The following PARVB variants were observed in gnomAD, a reference collection of about 807,000 sequenced individuals.
The protein encoded by PARVB is parvin beta.
PARVB carries 46 observed loss-of-function variants against 47.0 expected under a neutral mutation model. The observed-to-expected ratio is 0.98, with a 90% CI of 0.77 to 1.25. The LOEUF is 1.25. PARVB is among the 50% of genes most tolerant of loss of function. PARVB has a pLI of 0.00. For missense variants in PARVB, 473 were observed against 471.6 expected (o/e 1.00, Z -0.03); for synonymous variants, 196 against 196.3 (o/e 1.00, Z 0.01).
chr22:44,024,450 G>C lies in PARVB; in HGVS notation c.111G>C (p.Glu37Asp). The C allele has an allele frequency of 8.5e-7, 1 of 1,175,292 alleles. No homozygotes were observed. 72.8% of individuals were successfully genotyped at this position (1,175,292 alleles called of 1,614,324 possible). Residue 37 changes from glutamate (E) to aspartate (D), a missense_variant and splice_region_variant, in exon 1 of 13, where the codon GAG (glutamate) becomes GAC (aspartate). Physicochemically the swap from Glu to Asp is conservative, Grantham distance 45. Transcript: ENST00000338758. ...TGGCCAGGAAGCGGAGGGCGCGCGA[G>C]GGTGAGTGCGCGCCCGCGCCCGCCG... ...GTLARKRRAR[E>D]VSDLQEEGKN...
chr22:44,128,075 A>C (rs894821743), intron 4 of PARVB, among the ~76,000 whole-genome samples: 1 of 152,120 alleles, frequency 6.6e-6, no homozygotes, highest in South Asian at 2.1e-4. Context: ...GAGCCACTAC[A>C]CCCAGCCGAA....
Position 44,027,892 on chromosome 22 carries a change from C to T in PARVB, c.112+3441C>T, listed in dbSNP as rs1213543465. Among the ~76,000 whole-genome samples the T allele has an allele frequency of 3.1e-5, 4 of 129,510 alleles. No individual in the cohort carries two copies. In the East Asian group the frequency reaches 6.9e-4, roughly 22 times the overall value. The allele number at this position is 129,510 out of a possible 152,430, so 85.0% of individuals were successfully genotyped here. On this transcript the variant is annotated intron_variant, in intron 1 of 12. Coordinates refer to ENST00000338758, the MANE Select transcript of PARVB (RefSeq NM_013327.5). ...CAGGCTGGTCAACAGAGTGAGACTC[C>T]ATATCAAATAGAAAAAAAAACCATA...
intron 11 of PARVB, among the ~76,000 whole-genome samples, chr22:44,160,779 A>T (rs888349567): frequency 2.6e-5 from 4 of 152,190 alleles, no homozygotes; most frequent in African/African-American, 9.6e-5. Flanking sequence ...CTGCAGAGCA[A>T]TGAGGCTTGG....
intron 1 of PARVB, among the ~76,000 whole-genome samples, chr22:44,074,569 G>A (rs2051725571): frequency 6.6e-6 from 1 of 152,224 alleles, no homozygotes; most frequent in Admixed American, 6.5e-5. Flanking sequence ...AAGCTGCTGA[G>A]CTTTTCACAG....
chr22:44,136,467 A>C lies in PARVB; in HGVS notation c.641A>C (p.Glu214Ala), dbSNP rs201831464. The C allele has an allele frequency of 6.2e-7, 1 of 1,613,820 alleles. No homozygotes were observed. Among genetic ancestry groups the C allele is most frequent in the African/African-American group, 1.3e-5 (1 of 74,962 alleles). Residue 214 changes from glutamate to alanine, a missense_variant, in exon 7 of 13, where the codon GAA becomes GCA. Glu to Ala is a moderately radical substitution (Grantham distance 107, BLOSUM62 -1). Transcript: ENST00000338758. ...TVQVVVVRKREGLLHSSHISE... is the reference protein window; with the variant it reads ...TVQVVVVRKRAGLLHSSHISE... Reference sequence around the variant, plus strand: ...TTATTTTGGGGTTTTCAGAAACGGGAAGGCCTGCTGCATTCCAGCCACATC... The same window carrying C: ...TTATTTTGGGGTTTTCAGAAACGGGCAGGCCTGCTGCATTCCAGCCACATC...
intron 1 of PARVB, among the ~76,000 whole-genome samples, chr22:44,047,243 C>T (rs2051130449): frequency 6.6e-6 from 1 of 152,172 alleles, no homozygotes; most frequent in African/African-American, 2.4e-5. Flanking sequence ...GGGGCTTCTC[C>T]TCATAGTGGA....
chr22:44,026,799 G>C (rs1039979930), intron 1 of PARVB, among the ~76,000 whole-genome samples: 1 of 147,700 alleles, frequency 6.8e-6, no homozygotes. Flanking sequence ...ATGTGGCTCC[G>C]ACATGTTCCT....
upstream of PARVB, among the ~76,000 whole-genome samples, chr22:44,020,086 C>T (rs970876792): frequency 3.3e-5 from 5 of 152,154 alleles, no homozygotes; most frequent in Admixed American, 2.6e-4. Flanking sequence ...AGCTGGGTGT[C>T]CCCCAGTCCA....
Position 44,024,327 on chromosome 22 carries a change from C to G in PARVB, c.-13C>G, listed in dbSNP as rs576304296. 4.2e-3 allele frequency: 4,391 copies of G among 1,040,966 alleles called. 36 individuals carry two copies. The highest frequency in any genetic ancestry group is 0.032 in the Middle Eastern group (73 of 2,284). 64.5% of individuals were successfully genotyped at this position (1,040,966 alleles called of 1,614,324 possible). On this transcript the variant is annotated 5_prime_UTR_variant, in exon 1 of 13. Transcript: ENST00000338758. ...ACACGCGCTGCGCCCGCCGCCGGCCCCACGCGCGGCCCATGTCCTCCGCGC... is the reference window on the plus strand; with the variant it reads ...ACACGCGCTGCGCCCGCCGCCGGCCGCACGCGCGGCCCATGTCCTCCGCGC...
At chr22:44,035,787 A>G (rs1285036296) in intron 1 of PARVB, among the ~76,000 whole-genome samples, 2 of 151,786 alleles carry the variant, frequency 1.3e-5, no homozygotes, top group Admixed American at 6.6e-5. Flanking sequence ...GTGGGAACCC[A>G]AACAGATCAC....
chr22:44,097,278 C>A (rs1029684282), intron 2 of PARVB, among the ~76,000 whole-genome samples: 11 of 152,232 alleles, frequency 7.2e-5, no homozygotes, highest in African/African-American at 2.7e-4. Context: ...TTCCTGGCCA[C>A]CCGAAGACCT....
chr22:44,058,985 G>A, intron 1 of PARVB, among the ~76,000 whole-genome samples: 1 of 151,764 alleles, frequency 6.6e-6, no homozygotes. Context: ...TGTGATGGGG[G>A]GGGGAAACAG....
At chr22:44,015,781 T>C (rs966880940) in intron 2 of PARVB, among the ~76,000 whole-genome samples, 1 of 152,214 alleles carries the variant, frequency 6.6e-6, no homozygotes, top group African/African-American at 2.4e-5. Flanking sequence ...ATTGTGCCAC[T>C]GCACTCTAGT....
At chr22:44,127,097 T>C (rs1437247732) in intron 4 of PARVB, among the ~76,000 whole-genome samples, 1 of 152,238 alleles carries the variant, frequency 6.6e-6, no homozygotes, top group African/African-American at 2.4e-5. Flanking sequence ...TCAGTTGTGT[T>C]ATCCATAAAG....
intron 2 of PARVB, among the ~76,000 whole-genome samples, chr22:44,004,732 C>A (rs1179983596): frequency 6.6e-6 from 1 of 152,216 alleles, no homozygotes; most frequent in Non-Finnish European, 1.5e-5. Context: ...CTATGTCCGG[C>A]TGAGCTGGTG....
intron 1 of PARVB, among the ~76,000 whole-genome samples, chr22:44,047,939 C>T (rs1273490507): frequency 6.6e-6 from 1 of 152,190 alleles, no homozygotes; most frequent in Non-Finnish European, 1.5e-5. Context: ...CCTGAGTCAG[C>T]CCCGGGGAAG....
intron 2 of PARVB, among the ~76,000 whole-genome samples, chr22:44,000,217 G>A (rs1394901144): frequency 6.6e-6 from 1 of 152,222 alleles, no homozygotes; most frequent in Non-Finnish European, 1.5e-5. Flanking sequence ...CAAGGTAAAG[G>A]CTAGATGATT....
At chr22:44,138,449 G>C (rs2053485718) in intron 7 of PARVB, among the ~76,000 whole-genome samples, 1 of 152,146 alleles carries the variant, frequency 6.6e-6, no homozygotes, top group Non-Finnish European at 1.5e-5. Flanking sequence ...AGGAGAGGCT[G>C]GGTCACCTCT....
intron 1 of PARVB, 39 bp downstream of exon 1, chr22:44,024,490 G>A: frequency 9.6e-7 from 1 of 1,040,032 alleles, no homozygotes; most frequent in Non-Finnish European, 1.2e-6. Flanking sequence ...CCGGGGACCT[G>A]CCCGGCGGTG....
Sources: gnomAD v4.1 joint callset for allele counts (sites outside exome capture counted in the v4.1 genomes callset) on GRCh38, gnomAD v4.1.1 for gene constraint, MANE v1.5 for transcripts, NCBI Gene and HGNC (gene_info 2026-07-23, HGNC 2026-07-21) for gene names.